GRM1: variants seen among roughly 807,000 people sequenced by gnomAD.
The protein encoded by GRM1 is glutamate metabotropic receptor 1, also known as metabotropic glutamate receptor 1.
GRM1 carries 33 observed loss-of-function variants against 90.9 expected under a neutral mutation model. The observed-to-expected ratio is 0.36, with a 90% CI of 0.28 to 0.49. The LOEUF is 0.49. GRM1 is among the 20% of genes least tolerant of loss of function. The pLI, the probability that GRM1 is intolerant of heterozygous loss-of-function variation, is 0.99. For synonymous variants in GRM1, 700 were observed against 613.2 expected (o/e 1.14, Z -2.09); for missense variants, 1,190 against 1,534.3 (o/e 0.78, Z 3.75).
chr6:146,148,254 T>C (rs1777185418), intron 1 of GRM1, among the ~76,000 whole-genome samples: 1 of 152,128 alleles, frequency 6.6e-6, no homozygotes, highest in Non-Finnish European at 1.5e-5. Flanking sequence ...TAATAAATGA[T>C]TATTGTAGAT....
At chr6:146,181,399 A>G (rs1778548158) in intron 2 of GRM1, among the ~76,000 whole-genome samples, 1 of 152,216 alleles carries the variant, frequency 6.6e-6, no homozygotes, top group Admixed American at 6.5e-5. Context: ...ATATGAACAT[A>G]TTCAAGATTA....
rs151084465 is a variant in GRM1, at chr6:146,029,199, A to G, written c.-319A>G. On this transcript the variant is annotated 5_prime_UTR_variant, in exon 1 of 8. Transcript: ENST00000282753. ...TTTTTCTCTGTCTTTTGTCAGCAGC[A>G]TCTAGCTCACCGCTGCCAACACGAC... 5.0e-3 allele frequency: 2,142 copies of G among 431,088 alleles called. 51 individuals carry two copies. The East Asian group carries it at 0.069, about 14-fold the overall frequency. The allele number at this position is 431,088 out of a possible 1,614,324, so 26.7% of individuals were successfully genotyped here.
At chr6:146,228,607 G>T (rs557781028) in intron 2 of GRM1, among the ~76,000 whole-genome samples, 1 of 152,104 alleles carries the variant, frequency 6.6e-6, no homozygotes, top group Non-Finnish European at 1.5e-5. Context: ...TTAGTGCAAT[G>T]ACAGTTGTAA....
rs529095985 is a variant in GRM1 at position 146,401,042 on chromosome 6, T to A, written c.2660+1343T>A. Among the ~76,000 whole-genome samples, 12 of 152,260 alleles carry A rather than the reference T, an allele frequency of 7.9e-5. No individual in the cohort carries two copies. In the South Asian group the frequency reaches 2.5e-3, roughly 32 times the overall value. On this transcript the variant is annotated intron_variant, in intron 7 of 7. Coordinates refer to ENST00000282753, the MANE Select transcript of GRM1 (RefSeq NM_001278064.2). ...ATATGATACTTCTCACTTTAACACA[T>A]GCCAAAAATTCTACATCCTTTAAAT...
At chr6:146,306,903 A>C (rs956929325) in intron 3 of GRM1, among the ~76,000 whole-genome samples, 10 of 152,196 alleles carry the variant, frequency 6.6e-5, no homozygotes, top group African/African-American at 2.4e-4. Flanking sequence ...AAGATTAGGG[A>C]AAGTCCAAGA....
chr6:146,325,029 A>G (rs1231368253), intron 3 of GRM1, among the ~76,000 whole-genome samples: 1 of 152,242 alleles, frequency 6.6e-6, no homozygotes, highest in African/African-American at 2.4e-5. Context: ...CTTTATATTA[A>G]GGCAGTGAAT....
chr6:146,309,773 C>T (rs1352146680), intron 3 of GRM1, among the ~76,000 whole-genome samples: 2 of 151,438 alleles, frequency 1.3e-5, no homozygotes, highest in Non-Finnish European at 2.9e-5. Flanking sequence ...TGGGATTGTT[C>T]CTTTACAGTA....
intron 1 of GRM1, among the ~76,000 whole-genome samples, chr6:146,094,813 G>A (rs543620714): frequency 1.3e-5 from 2 of 152,054 alleles, no homozygotes; most frequent in Admixed American, 6.6e-5. Context: ...AAAATGTGCT[G>A]AGAATCATGC....
At chr6:146,430,625 T>C (rs1402226826) in intron 7 of GRM1, among the ~76,000 whole-genome samples, 1 of 152,250 alleles carries the variant, frequency 6.6e-6, no homozygotes, top group African/African-American at 2.4e-5. Flanking sequence ...TATTGCAGGA[T>C]AATATTGCAT....
chr6:146,370,153 T>A (rs946615185), intron 5 of GRM1, among the ~76,000 whole-genome samples: 1 of 152,124 alleles, frequency 6.6e-6, no homozygotes, highest in African/African-American at 2.4e-5. Context: ...CTTGCTCTTT[T>A]AAAGACTCAG....
rs1474893245 is a variant in GRM1 at position 146,389,434 on chromosome 6, G to A, written c.1729+2418G>A. Reference sequence around the variant, plus strand: ...GATAAAAAAGCTTTTTAAAAAACATGATATGATGTAATAGTGGAACTCAAG... The same window carrying A: ...GATAAAAAAGCTTTTTAAAAAACATAATATGATGTAATAGTGGAACTCAAG... On this transcript the variant is annotated intron_variant, in intron 6 of 7. Transcript: ENST00000282753. 3.3e-5 allele frequency among the ~76,000 whole-genome samples: 5 copies of A among 151,964 alleles called. No homozygotes were observed. The South Asian group carries it at 8.3e-4, about 25-fold the overall frequency.
intron 2 of GRM1, among the ~76,000 whole-genome samples, chr6:146,196,294 T>TTC (rs1779116792): frequency 6.7e-6 from 1 of 149,802 alleles, no homozygotes; most frequent in African/African-American, 2.5e-5. Context: ...GCAGTGGATT[T>TTC]TTTTTTTTTT....
At chr6:146,096,900 G>A (rs1776892312) in intron 1 of GRM1, among the ~76,000 whole-genome samples, 1 of 152,000 alleles carries the variant, frequency 6.6e-6, no homozygotes, top group African/African-American at 2.4e-5. Flanking sequence ...ATGATATTTG[G>A]TCTGAAAACA....
chr6:146,403,148 G>A (rs1014092921), intron 7 of GRM1, among the ~76,000 whole-genome samples: 3 of 152,042 alleles, frequency 2.0e-5, no homozygotes, highest in Admixed American at 6.6e-5. Flanking sequence ...AAATTAATTA[G>A]ATCCAAGTAA....
chr6:146,170,843 A>G (rs969759038), intron 2 of GRM1, among the ~76,000 whole-genome samples: 2 of 152,034 alleles, frequency 1.3e-5, no homozygotes, highest in African/African-American at 4.8e-5. Flanking sequence ...TTTTAAAAAA[A>G]TCTCATTTTT....
At chr6:146,184,723 T>C (rs988684450) in intron 2 of GRM1, among the ~76,000 whole-genome samples, 2 of 152,204 alleles carry the variant, frequency 1.3e-5, no homozygotes, top group African/African-American at 4.8e-5. Context: ...ATTTTTCATG[T>C]TATATATCAT....
chr6:146,327,173 G>A (rs1784424635), intron 3 of GRM1, among the ~76,000 whole-genome samples: 1 of 151,980 alleles, frequency 6.6e-6, no homozygotes, highest in African/African-American at 2.4e-5. Context: ...TCTGTCCCAG[G>A]ATGCCATCCA....
intron 1 of GRM1, among the ~76,000 whole-genome samples, chr6:146,120,146 A>T (rs1294489361): frequency 3.3e-5 from 5 of 152,152 alleles, no homozygotes; most frequent in Non-Finnish European, 7.3e-5. Context: ...CTACTTGAAG[A>T]GGCCTTTCAC....
At chr6:146,346,109 T>A (rs1785180752) in intron 3 of GRM1, among the ~76,000 whole-genome samples, 1 of 152,238 alleles carries the variant, frequency 6.6e-6, no homozygotes, top group African/African-American at 2.4e-5. Context: ...CTTATTTGTT[T>A]TCCAGATACA....
Sources: gnomAD v4.1 joint callset for allele counts (sites outside exome capture counted in the v4.1 genomes callset) on GRCh38, gnomAD v4.1.1 for gene constraint, MANE v1.5 for transcripts, NCBI Gene and HGNC (gene_info 2026-07-23, HGNC 2026-07-21) for gene names.